Variants in CALN1 observed in about 807,000 individuals in gnomAD.
CALN1 encodes the protein calneuron 1, also known as calcium-binding protein 8.
Under a neutral mutation model 30.6 loss-of-function variants are expected in CALN1, and 17 were observed. That is an observed-to-expected ratio of 0.56 (90% confidence interval 0.38 to 0.83). CALN1 has a LOEUF of 0.83. CALN1 is among the 40% of genes least tolerant of loss of function. The pLI is 0.00. For missense variants in CALN1, 291 were observed against 354.9 expected (o/e 0.82, Z 1.45); for synonymous variants, 156 against 131.4 (o/e 1.19, Z -1.28).
intron 1 of CALN1, among the ~76,000 whole-genome samples, chr7:72,424,303 GT>G (rs1807726738): frequency 6.6e-6 from 1 of 152,158 alleles, no homozygotes; most frequent in Admixed American, 6.5e-5. Flanking sequence ...AGGACTTCCA[GT>G]TACTTACAAT....
chr7:72,103,318 G>T lies in CALN1; in HGVS notation c.388+2833C>A. 3 of 176,416 alleles carry T rather than the reference G, an allele frequency of 1.7e-5. No individual in the cohort carries two copies. In the South Asian group the frequency reaches 4.5e-4, roughly 27 times the overall value. The allele number at this position is 176,416 out of a possible 1,614,324, so 10.9% of individuals were successfully genotyped here. ...GGGTGGTATGAAGCTAGTCAGCTAT[G>T]ACTCTGGACTCATTCAGCAAGTGAG... On this transcript the variant is annotated intron_variant, in intron 4 of 6. Transcript: ENST00000395275.
intron 2 of CALN1, among the ~76,000 whole-genome samples, chr7:72,365,274 T>C (rs1803812622): frequency 6.6e-6 from 1 of 151,892 alleles, no homozygotes. Flanking sequence ...TACATATAGA[T>C]ATGATAAAAA....
At chr7:72,400,821 A>G (rs909607951) in intron 2 of CALN1, among the ~76,000 whole-genome samples, 1 of 152,108 alleles carries the variant, frequency 6.6e-6, no homozygotes, top group African/African-American at 2.4e-5. Context: ...ATATCTCCCT[A>G]ACATGTTTCC....
intron 5 of CALN1, among the ~76,000 whole-genome samples, chr7:71,965,999 G>A (rs1470681413): frequency 3.3e-5 from 5 of 150,700 alleles, no homozygotes; most frequent in Non-Finnish European, 7.4e-5. Flanking sequence ...AGTACTACCA[G>A]GGAGTATAAT....
At chr7:72,349,833 T>G (rs1324764075) in intron 2 of CALN1, among the ~76,000 whole-genome samples, 7 of 152,214 alleles carry the variant, frequency 4.6e-5, no homozygotes, top group Non-Finnish European at 1.0e-4. Context: ...ATTCTGGATA[T>G]TAGCCCTTTG....
At position 71,853,467 on chromosome 7, in the gene CALN1, C is replaced by T. The variant is rs539285836; in HGVS notation, c.502-42975G>A. ...GTGATGAGAACATTTAAAATCTCTCCGCAATTTTAAAGTATACAATATATC... is the reference window on the plus strand; with the variant it reads ...GTGATGAGAACATTTAAAATCTCTCTGCAATTTTAAAGTATACAATATATC... On this transcript the variant is annotated intron_variant, in intron 5 of 6. Transcript: ENST00000395275. 8.6e-5 allele frequency among the ~76,000 whole-genome samples: 13 copies of T among 151,784 alleles called. 1 individual carries two copies. Among genetic ancestry groups the T allele is most frequent in the Middle Eastern group, 6.8e-3 (2 of 294 alleles).
chr7:72,418,004 G>A (rs1242856668), intron 1 of CALN1, among the ~76,000 whole-genome samples: 1 of 152,220 alleles, frequency 6.6e-6, no homozygotes, highest in East Asian at 1.9e-4. Flanking sequence ...ACATGTGCCG[G>A]TTGGTTAAAT....
chr7:72,219,575 A>G (rs759280610), intron 3 of CALN1, among the ~76,000 whole-genome samples: 5 of 152,064 alleles, frequency 3.3e-5, no homozygotes, highest in Admixed American at 1.3e-4. Flanking sequence ...AATCAATCAG[A>G]GGTGCAACAT....
At chr7:72,320,613 T>A (rs1800806170) in intron 2 of CALN1, among the ~76,000 whole-genome samples, 1 of 151,574 alleles carries the variant, frequency 6.6e-6, no homozygotes, top group African/African-American at 2.4e-5. Flanking sequence ...GGTGGTCGGA[T>A]CAATTGAGGT....
intron 1 of CALN1, among the ~76,000 whole-genome samples, chr7:72,431,189 C>T (rs915205402): frequency 6.6e-6 from 1 of 152,110 alleles, no homozygotes; most frequent in Non-Finnish European, 1.5e-5. Context: ...CTCAGCCTCC[C>T]AAAGTGCTGG....
upstream of CALN1, among the ~76,000 whole-genome samples, chr7:72,448,857 G>A (rs982941438): frequency 1.3e-5 from 2 of 152,004 alleles, no homozygotes; most frequent in Admixed American, 6.6e-5. Context: ...TTCCCCCCTC[G>A]GCCTCCCAAA....
chr7:72,224,554 C>T (rs1295031845), intron 3 of CALN1, among the ~76,000 whole-genome samples: 1 of 151,992 alleles, frequency 6.6e-6, no homozygotes, highest in African/African-American at 2.4e-5. Flanking sequence ...GAGGCCAAGG[C>T]AGGTGAATTA....
intron 2 of CALN1, among the ~76,000 whole-genome samples, chr7:72,365,174 A>G (rs1232855369): frequency 1.3e-5 from 2 of 152,126 alleles, no homozygotes; most frequent in South Asian, 2.1e-4. Context: ...GCCTGGTGGC[A>G]TATGACTGTA....
At chr7:72,310,950 T>C (rs1339545040) in intron 2 of CALN1, among the ~76,000 whole-genome samples, 2 of 140,854 alleles carry the variant, frequency 1.4e-5, no homozygotes, top group Admixed American at 7.1e-5. Context: ...AAGAAGAAAA[T>C]ATATATATAC....
chr7:72,212,601 G>T (rs1180593479), intron 3 of CALN1, among the ~76,000 whole-genome samples: 1 of 152,008 alleles, frequency 6.6e-6, no homozygotes, highest in Non-Finnish European at 1.5e-5. Flanking sequence ...GATTGCTTGA[G>T]GCCAGGAACT....
chr7:72,494,314 G>A, the CALN1 span, among the ~76,000 whole-genome samples: 1 of 152,300 alleles, frequency 6.6e-6, no homozygotes, highest in East Asian at 1.9e-4. Flanking sequence ...AAAGTCAGTA[G>A]AATACACCAG....
chr7:72,109,102 CGCTAGACA>C (rs1329848682), intron 3 of CALN1, among the ~76,000 whole-genome samples: 4 of 152,126 alleles, frequency 2.6e-5, no homozygotes, highest in Non-Finnish European at 4.4e-5. Flanking sequence ...TTGTAGGAGG[CGCTAGACA>C]GATAGCTGTT....
chr7:72,035,307 C>G (rs1350885706), intron 4 of CALN1, among the ~76,000 whole-genome samples: 1 of 152,146 alleles, frequency 6.6e-6, no homozygotes, highest in Non-Finnish European at 1.5e-5. Flanking sequence ...CTGATGACCA[C>G]CATTCTACTT....
At chr7:72,284,163 T>C (rs1797916872) in intron 2 of CALN1, among the ~76,000 whole-genome samples, 1 of 152,108 alleles carries the variant, frequency 6.6e-6, no homozygotes, top group Non-Finnish European at 1.5e-5. Flanking sequence ...GGCATGGTGG[T>C]GCATGACTGT....
Sources: allele counts gnomAD v4.1 joint callset (sites outside exome capture counted in the v4.1 genomes callset), GRCh38; gene constraint gnomAD v4.1.1; transcripts MANE v1.5; gene names NCBI Gene and HGNC (gene_info 2026-07-23, HGNC 2026-07-21).